Variants in ZMYND11 observed in about 807,000 individuals in gnomAD.
ZMYND11 encodes the protein zinc finger MYND domain-containing protein 11.
In ZMYND11, 9 loss-of-function variants were observed where a neutral mutation model predicts 84.9. The observed-to-expected ratio is 0.11, with a 90% CI of 0.06 to 0.18. ZMYND11 has a LOEUF of 0.18. Among genes scored for constraint, ZMYND11 ranks in the 10% least tolerant of loss-of-function variants. ZMYND11 has a pLI of 1.00. For synonymous variants in ZMYND11, 250 were observed against 244.1 expected, an observed-to-expected ratio of 1.02 and a Z score of -0.23; for missense variants, 409 against 761.0, an observed-to-expected ratio of 0.54 and a Z score of 5.44.
chr10:203,615 A>T (rs1459879513), intron 2 of ZMYND11, among the ~76,000 whole-genome samples: 1 of 152,026 alleles, frequency 6.6e-6, no homozygotes, highest in Non-Finnish European at 1.5e-5. Context: ...AAGGAGAGGA[A>T]CTCCCTAAGG....
intron 1 of ZMYND11, among the ~76,000 whole-genome samples, chr10:136,207 G>C (rs1023393965): frequency 2.0e-5 from 3 of 152,154 alleles, no homozygotes; most frequent in Admixed American, 1.3e-4. Context: ...CCAGAGCTCC[G>C]GGGAGAAGCT....
In ZMYND11 at chr10:221,676, G is replaced by A. The variant is rs550137344; in HGVS notation, c.438+320G>A. Among the ~76,000 whole-genome samples the A allele has an allele frequency of 5.9e-5, 9 of 152,244 alleles. No individual in the cohort carries two copies. In the South Asian group the frequency reaches 1.9e-3, roughly 32 times the overall value. On this transcript the variant is annotated intron_variant, in intron 4 of 14. Coordinates refer to ENST00000381604, the MANE Select transcript of ZMYND11 (RefSeq NM_001370100.5). ...GAAACCTACTAACATCTGTTCAATA[G>A]CTACTTTGTAATAAACTGTACAATT...
chr10:240,849 ATGTATATTTTATG>A (rs2131770852), intron 8 of ZMYND11, 31 bp from the exon 9 acceptor site: 1 of 1,320,392 alleles, frequency 7.6e-7, no homozygotes, highest in East Asian at 2.3e-5. Flanking sequence ...TTTAATGTGT[ATGTATATTTTATG>A]TAGGCTAAAG....
intron 1 of ZMYND11, among the ~76,000 whole-genome samples, chr10:177,083 G>T (rs920060499): frequency 6.6e-6 from 1 of 152,156 alleles, no homozygotes; most frequent in African/African-American, 2.4e-5. Context: ...GATGAGAGAA[G>T]GATTTTTGTC....
intron 2 of ZMYND11, among the ~76,000 whole-genome samples, chr10:199,049 C>A (rs1411656859): frequency 6.6e-6 from 1 of 152,164 alleles, no homozygotes; most frequent in African/African-American, 2.4e-5. Flanking sequence ...TTTTTGTCTC[C>A]CTGTCCCCAT....
chr10:158,887 A>G (rs1554760398), intron 1 of ZMYND11, among the ~76,000 whole-genome samples: 1 of 149,624 alleles, frequency 6.7e-6, no homozygotes. Flanking sequence ...CAGATCCTTT[A>G]TCCATGTTTT....
At chr10:162,151 C>G (rs1303392847) in intron 1 of ZMYND11, among the ~76,000 whole-genome samples, 7 of 152,278 alleles carry the variant, frequency 4.6e-5, no homozygotes, top group African/African-American at 1.7e-4. Flanking sequence ...CTCAAGGAGG[C>G]TCGAGCAGAG....
intron 1 of ZMYND11, among the ~76,000 whole-genome samples, chr10:172,601 G>T (rs1845610778): frequency 6.6e-6 from 1 of 152,124 alleles, no homozygotes. Context: ...AGAGATAAAA[G>T]ATTAAATAAA....
In ZMYND11 at chr10:253,566, A is replaced by C. The variant is rs539043210; in HGVS notation, c.*1096A>C. ...TATTTTGCGGAATGTCTGGATTAAGAAGCATTACCAATAGGAATGGATCGA... is the reference window on the plus strand; with the variant it reads ...TATTTTGCGGAATGTCTGGATTAAGCAGCATTACCAATAGGAATGGATCGA... On this transcript the variant is annotated 3_prime_UTR_variant, in exon 15 of 15. Transcript: ENST00000381604. 2.2e-4 allele frequency: 34 copies of C among 152,766 alleles called. No homozygotes were observed. The East Asian group carries it at 6.6e-3, about 29-fold the overall frequency. 9.5% of individuals were successfully genotyped at this position (152,766 alleles called of 1,614,324 possible).
intron 13 of ZMYND11, 136 bp from the exon 14 acceptor site, chr10:248,767 C>G (rs1274768484): frequency 7.2e-7 from 1 of 1,394,118 alleles, no homozygotes; most frequent in South Asian, 1.5e-5. Context: ...TGATACTTTC[C>G]TCACCTAAAT....
At chr10:164,954 AT>A (rs1554763294) in intron 1 of ZMYND11, among the ~76,000 whole-genome samples, 1 of 146,304 alleles carries the variant, frequency 6.8e-6, no homozygotes, top group African/African-American at 2.8e-5. Context: ...TTGAAAAATC[AT>A]GTGTATGTAG....
rs4600135 is a variant in ZMYND11 at position 236,957 on chromosome 10, C to T, written c.516+42C>T. On this transcript the variant is annotated intron_variant, in intron 5 of 14. Transcript: ENST00000381604. Reference sequence around the variant, plus strand: ...GAATCTTTCAAAATATCCCAAAACACATTTTACTATGGTTCATTCTTTCAA... The same window carrying T: ...GAATCTTTCAAAATATCCCAAAACATATTTTACTATGGTTCATTCTTTCAA... 0.97 allele frequency: 1,496,602 copies of T among 1,546,016 alleles called. 725,289 individuals are homozygous for T. The highest frequency in any genetic ancestry group is 0.98 in the Non-Finnish European group (1,103,532 of 1,126,658).
intron 1 of ZMYND11, among the ~76,000 whole-genome samples, chr10:150,098 C>A (rs553689995): frequency 2.0e-5 from 3 of 152,104 alleles, no homozygotes; most frequent in Admixed American, 6.5e-5. Flanking sequence ...CTCTGCCAGG[C>A]GTTGGTATCA....
chr10:237,378 C>T (rs1301048751), intron 5 of ZMYND11, among the ~76,000 whole-genome samples: 3 of 152,162 alleles, frequency 2.0e-5, no homozygotes, highest in Non-Finnish European at 2.9e-5. Context: ...CGCCGTGGCT[C>T]CCGCCTGTAA....
chr10:145,146 GTATA>G (rs1169532759), intron 1 of ZMYND11, among the ~76,000 whole-genome samples: 6 of 149,568 alleles, frequency 4.0e-5, no homozygotes, highest in Non-Finnish European at 8.9e-5. Context: ...ATATATATGT[GTATA>G]TATATATGTG....
chr10:241,587 T>G (rs1344301369), intron 9 of ZMYND11, among the ~76,000 whole-genome samples: 1 of 152,262 alleles, frequency 6.6e-6, no homozygotes, highest in Non-Finnish European at 1.5e-5. Context: ...ATAATACAGC[T>G]TCAAACCGTG....
intron 1 of ZMYND11, among the ~76,000 whole-genome samples, chr10:145,162 GTGTATATATA>G (rs1198440728): frequency 6.0e-5 from 9 of 150,662 alleles, no homozygotes; most frequent in Non-Finnish European, 1.0e-4. Flanking sequence ...ATATATGTGT[GTGTATATATA>G]TGTGTATATA....
intron 1 of ZMYND11, among the ~76,000 whole-genome samples, chr10:170,189 C>T (rs1179873691): frequency 4.6e-5 from 7 of 151,952 alleles, no homozygotes; most frequent in Admixed American, 2.0e-4. Flanking sequence ...CTATATCTTT[C>T]ATAAAAAGTA....
intron 2 of ZMYND11, among the ~76,000 whole-genome samples, chr10:197,072 G>A (rs927752835): frequency 3.3e-5 from 5 of 151,116 alleles, no homozygotes; most frequent in Admixed American, 6.6e-5. Flanking sequence ...GTTCATGTAT[G>A]TGTATCAATA....
Sources: gnomAD v4.1 joint callset for allele counts (sites outside exome capture counted in the v4.1 genomes callset) on GRCh38, gnomAD v4.1.1 for gene constraint, MANE v1.5 for transcripts, NCBI Gene and HGNC (gene_info 2026-07-23, HGNC 2026-07-21) for gene names.